BLZF1: variants seen among roughly 807,000 people sequenced by gnomAD.
BLZF1 encodes golgin-45.
In BLZF1, 39 loss-of-function variants were observed where a neutral mutation model predicts 43.8. The observed-to-expected ratio is 0.89, with a 90% CI of 0.69 to 1.16. The LOEUF (loss-of-function observed/expected upper bound fraction) is 1.16. BLZF1 is among the 50% of genes most tolerant of loss of function. BLZF1 has a pLI of 0.00. For missense variants in BLZF1, 449 were observed against 469.8 expected (o/e 0.96, Z 0.41); for synonymous variants, 136 against 159.4 (o/e 0.85, Z 1.11).
intron 6 of BLZF1, among the ~76,000 whole-genome samples, chr1:169,385,688 C>G (rs1479919100): frequency 6.6e-6 from 1 of 152,062 alleles, no homozygotes; most frequent in East Asian, 1.9e-4. Flanking sequence ...AGAAGGATCT[C>G]AAAAACTAAA....
chr1:169,369,789 C>T (rs1006322897), intron 2 of BLZF1, among the ~76,000 whole-genome samples: 1 of 146,018 alleles, frequency 6.8e-6, no homozygotes, highest in Non-Finnish European at 1.5e-5. Context: ...AATGTTAATG[C>T]AAAGTTTTTA....
intron 5 of BLZF1, among the ~76,000 whole-genome samples, chr1:169,381,363 C>T (rs1654521690): frequency 6.6e-6 from 1 of 152,000 alleles, no homozygotes; most frequent in Admixed American, 6.6e-5. Context: ...ATAGCCCTAA[C>T]CTATTAAAGC....
At chr1:169,385,142 CT>C (rs1654632481) in intron 6 of BLZF1, among the ~76,000 whole-genome samples, 1 of 152,284 alleles carries the variant, frequency 6.6e-6, no homozygotes, top group Admixed American at 6.5e-5. Context: ...AGGCTTTTCT[CT>C]TTTATCCAAC....
intron 2 of BLZF1, among the ~76,000 whole-genome samples, chr1:169,369,999 A>G (rs1354518438): frequency 6.6e-6 from 1 of 152,232 alleles, no homozygotes; most frequent in African/African-American, 2.4e-5. Flanking sequence ...TCTGGAGGCT[A>G]GAAGTCCAAG....
chr1:169,393,193 C>CA (rs963366431), downstream of BLZF1, among the ~76,000 whole-genome samples: 17 of 152,224 alleles, frequency 1.1e-4, no homozygotes, highest in Admixed American at 1.0e-3. Flanking sequence ...ACAACCTAAA[C>CA]ATCTGGTGTC....
At chr1:169,382,339 G>C (rs1654551654) in intron 6 of BLZF1, 58 bp downstream of exon 6, 1 of 1,471,658 alleles carries the variant, frequency 6.8e-7, no homozygotes, top group Admixed American at 1.8e-5. Context: ...TTACTGAAAG[G>C]TGACATATCA....
chr1:169,387,150 A>C lies in BLZF1; in HGVS notation c.1171A>C (p.Asn391His). ...TGAAAATATAACTTTCAATTGCTGC[A>C]ATCACTGCCGGGGAGAACTGATTGC... ...RYENITFNCC[N>H]HCRGELIAL Residue 391 changes from asparagine (N) to histidine (H), a missense_variant, in exon 7 of 7, where the codon AAT becomes CAT. Physicochemically the swap from Asn to His is moderately conservative, Grantham distance 68 (BLOSUM62 1). Transcript: ENST00000367808. The C allele has an allele frequency of 1.2e-6, 2 of 1,613,442 alleles. No homozygotes were observed. The highest frequency in any genetic ancestry group is 1.7e-6 in the Non-Finnish European group (2 of 1,179,830).
At chr1:169,383,015 G>A (rs1654571433) in intron 6 of BLZF1, among the ~76,000 whole-genome samples, 1 of 151,782 alleles carries the variant, frequency 6.6e-6, no homozygotes. Flanking sequence ...CACTCTTTTA[G>A]TTTCTCTTCC....
At chr1:169,376,376 A>G (rs1442479986) in intron 2 of BLZF1, among the ~76,000 whole-genome samples, 164 bp from the exon 3 acceptor site, 1 of 152,030 alleles carries the variant, frequency 6.6e-6, no homozygotes, top group East Asian at 1.9e-4. Flanking sequence ...TTAAACATGT[A>G]TCTTTTGTTG....
chr1:169,393,156 C>T (rs188695211), downstream of BLZF1, among the ~76,000 whole-genome samples: 15 of 152,008 alleles, frequency 9.9e-5, no homozygotes, highest in Admixed American at 2.6e-4. Flanking sequence ...CTGCAGAGAA[C>T]GGGGAAATTG....
intron 7 of BLZF1, chr1:169,395,880 T>TG (rs940335280): frequency 7.4e-6 from 1 of 134,964 alleles, no homozygotes; most frequent in African/African-American, 2.6e-5. Context: ...GTTTTGTTGT[T>TG]TTTTTTTTTT....
downstream of BLZF1, among the ~76,000 whole-genome samples, chr1:169,393,111 C>T (rs1042782144): frequency 6.6e-6 from 1 of 151,956 alleles, no homozygotes; most frequent in Non-Finnish European, 1.5e-5. Flanking sequence ...CTCTGGTTAG[C>T]GTCAGAATTG....
At chr1:169,384,615 G>T (rs1362115860) in intron 6 of BLZF1, among the ~76,000 whole-genome samples, 6 of 152,142 alleles carry the variant, frequency 3.9e-5, no homozygotes, top group African/African-American at 1.4e-4. Context: ...CACTTTTCAT[G>T]ATGCACATAG....
At chr1:169,382,560 A>G (rs988884799) in intron 6 of BLZF1, among the ~76,000 whole-genome samples, 1 of 152,222 alleles carries the variant, frequency 6.6e-6, no homozygotes, top group African/African-American at 2.4e-5. Context: ...TCATGAGTTC[A>G]TTTTGATATA....
chr1:169,384,743 T>C (rs955198389), intron 6 of BLZF1, among the ~76,000 whole-genome samples: 5 of 152,214 alleles, frequency 3.3e-5, no homozygotes, highest in African/African-American at 1.2e-4. Flanking sequence ...TGAATCTTGC[T>C]GGCAATCTGA....
At chr1:169,392,353 A>G (rs1001955703), downstream of BLZF1, among the ~76,000 whole-genome samples, 11 of 152,236 alleles carry the variant, frequency 7.2e-5, no homozygotes, top group Non-Finnish European at 1.6e-4. Flanking sequence ...ATAAAACTAC[A>G]GTGGTCTAAA....
At position 169,387,042 on chromosome 1, in the gene BLZF1, G is replaced by C. The variant is rs1298989176; in HGVS notation, c.1063G>C (p.Asp355His). ...DPVTCKESSP[D>H]NPFFESSPTT... ...AGTTACCTGCAAAGAGAGTTCACCT[G>C]ATAATCCATTTTTTGAGTCTTCACC... Residue 355 changes from aspartate (D) to histidine (H), a missense_variant, in exon 7 of 7, where the codon GAT (aspartate) becomes CAT (histidine). Transcript: ENST00000367808. 6.2e-7 allele frequency: 1 copy of C among 1,612,826 alleles called. No homozygotes were observed. The highest frequency in any genetic ancestry group is 1.7e-5 in the Admixed American group (1 of 59,750).
intron 7 of BLZF1, chr1:169,395,794 T>C (rs956705437): frequency 7.2e-5 from 11 of 151,914 alleles, no homozygotes; most frequent in African/African-American, 2.7e-4. Flanking sequence ...TGCATATACA[T>C]ATATACCTGG....
rs1460008020 is a variant in BLZF1, at chr1:169,387,947, A to G, written c.*765A>G. The G allele has an allele frequency of 1.3e-5, 2 of 152,216 alleles. No homozygotes were observed. The highest frequency in any genetic ancestry group is 2.9e-5 in the Non-Finnish European group (2 of 68,026). The allele number at this position is 152,216 out of a possible 1,614,324, so 9.4% of individuals were successfully genotyped here. A position where few individuals can be genotyped will look rare whatever the true frequency, so the allele number is the denominator to read the frequency against. ...AACAGATTCTTAACTATTGACTCTT[A>G]TTTAGCAAATGCAACAGACAAGAAT... On this transcript the variant is annotated 3_prime_UTR_variant, in exon 7 of 7. Coordinates refer to ENST00000367808, the MANE Select transcript of BLZF1 (RefSeq NM_001320973.2).
Sources: gnomAD v4.1 joint callset for allele counts (sites outside exome capture counted in the v4.1 genomes callset) on GRCh38, gnomAD v4.1.1 for gene constraint, MANE v1.5 for transcripts, NCBI Gene and HGNC (gene_info 2026-07-23, HGNC 2026-07-21) for gene names.